UNC13C: variants seen among roughly 807,000 people sequenced by gnomAD.
The protein encoded by UNC13C is unc-13 homolog C.
A neutral mutation model predicts 245.4 loss-of-function variants in UNC13C; 174 were observed. The ratio of observed to expected loss-of-function variants is 0.71; its 90% CI spans 0.63 to 0.80. The LOEUF (loss-of-function observed/expected upper bound fraction) is 0.80. Ranked by LOEUF, UNC13C falls within the 30% of genes least tolerant of loss-of-function variation. The probability of loss-of-function intolerance (pLI) is 0.00; values close to 1 mark genes in which losing one functional copy is unlikely to be tolerated. For missense variants in UNC13C, 2,829 were observed against 2,602.9 expected (o/e 1.09, Z -1.89); for synonymous variants, 992 against 895.1 (o/e 1.11, Z -1.93).
chr15:54,542,672 T>A (rs1364060200), intron 26 of UNC13C, among the ~76,000 whole-genome samples: 1 of 152,168 alleles, frequency 6.6e-6, no homozygotes, highest in African/African-American at 2.4e-5. Flanking sequence ...GCTTTATGAA[T>A]CTGGGTGCTC....
the UNC13C span, among the ~76,000 whole-genome samples, chr15:53,902,701 A>G: frequency 6.6e-6 from 1 of 152,202 alleles, no homozygotes; most frequent in Non-Finnish European, 1.5e-5. Context: ...CAACAGAAGC[A>G]AAAAATTTGG....
At chr15:54,276,677 C>T (rs1045643997) in intron 10 of UNC13C, among the ~76,000 whole-genome samples, 8 of 151,978 alleles carry the variant, frequency 5.3e-5, no homozygotes, top group Non-Finnish European at 8.8e-5. Flanking sequence ...ATTTTTTATA[C>T]GTTACTCATT....
chr15:54,624,272 T>C (rs1566946089), intron 32 of UNC13C, among the ~76,000 whole-genome samples: 2 of 152,238 alleles, frequency 1.3e-5, no homozygotes, highest in East Asian at 3.9e-4. Flanking sequence ...CAGAACTATG[T>C]GGTAAGTGCT....
chr15:54,371,378 G>T (rs191283910), intron 17 of UNC13C, among the ~76,000 whole-genome samples: 1 of 152,118 alleles, frequency 6.6e-6, no homozygotes, highest in African/African-American at 2.4e-5. Flanking sequence ...AAGCTCTTAG[G>T]TCCAATTAAA....
intron 4 of UNC13C, among the ~76,000 whole-genome samples, chr15:54,187,496 G>T (rs1187851039): frequency 6.6e-6 from 1 of 152,070 alleles, no homozygotes; most frequent in Non-Finnish European, 1.5e-5. Context: ...CTAGGTTTCA[G>T]TTTCTAAAAT....
the UNC13C span, among the ~76,000 whole-genome samples, chr15:53,841,306 A>C: frequency 6.6e-6 from 1 of 152,116 alleles, no homozygotes; most frequent in Admixed American, 6.6e-5. Context: ...TTTCCCCCCT[A>C]CCTTTGCCAT....
rs186863401 is a variant in UNC13C at position 54,315,128 on chromosome 15, C to T, written c.4269-6811C>T. On this transcript the variant is annotated intron_variant, in intron 13 of 32. Coordinates refer to ENST00000260323, the MANE Select transcript of UNC13C (RefSeq NM_001080534.3). ...TCAAATTAATCTGATAATGCTAGCTCTTTCTGCAGAAATCTCAGGTAACTT... is the reference window on the plus strand; with the variant it reads ...TCAAATTAATCTGATAATGCTAGCTTTTTCTGCAGAAATCTCAGGTAACTT... 3.1e-4 allele frequency among the ~76,000 whole-genome samples: 47 copies of T among 151,850 alleles called. 1 individual carries two copies. The highest frequency in any genetic ancestry group is 1.1e-3 in the African/African-American group (46 of 41,490).
the UNC13C span, among the ~76,000 whole-genome samples, chr15:53,915,073 G>A: frequency 3.3e-4 from 50 of 152,276 alleles, no homozygotes; most frequent in Non-Finnish European, 6.6e-4. Flanking sequence ...AGTTGACTCA[G>A]CCCTTTCCTC....
At chr15:53,990,592 T>A (rs1894341842) in intron 1 of UNC13C, among the ~76,000 whole-genome samples, 1 of 152,052 alleles carries the variant, frequency 6.6e-6, no homozygotes, top group Non-Finnish European at 1.5e-5. Context: ...TCAAACCCCC[T>A]TCCAAAACCT....
intron 1 of UNC13C, among the ~76,000 whole-genome samples, chr15:54,000,697 G>C (rs1190648570): frequency 1.3e-5 from 2 of 152,102 alleles, no homozygotes; most frequent in African/African-American, 4.8e-5. Context: ...TGGACAGATA[G>C]AATGTAATAA....
At chr15:54,455,744 A>G (rs1003856220) in intron 19 of UNC13C, among the ~76,000 whole-genome samples, 5 of 151,840 alleles carry the variant, frequency 3.3e-5, no homozygotes, top group Admixed American at 2.0e-4. Flanking sequence ...GATTTATTTG[A>G]GTTCCTTATA....
intron 11 of UNC13C, among the ~76,000 whole-genome samples, chr15:54,297,275 A>T (rs781562696): frequency 1.3e-5 from 2 of 152,204 alleles, no homozygotes; most frequent in African/African-American, 4.8e-5. Flanking sequence ...TATTTGGAAT[A>T]TCTGTAAGAC....
In UNC13C at chr15:54,180,041, A is replaced by G. The variant is rs764496286; in HGVS notation, c.3071+36357A>G. 3.9e-5 allele frequency among the ~76,000 whole-genome samples: 6 copies of G among 152,076 alleles called. No individual in the cohort carries two copies. In the East Asian group the frequency reaches 1.2e-3, roughly 29 times the overall value. On this transcript the variant is annotated intron_variant, in intron 4 of 32. Transcript: ENST00000260323. ...TGACTTTATTTTACTTTCAGGGGGT[A>G]TACGTGCAGGTTCGTTACCTGGGTA...
chr15:54,051,433 G>GT (rs938918617), intron 2 of UNC13C, among the ~76,000 whole-genome samples: 15 of 151,528 alleles, frequency 9.9e-5, no homozygotes, highest in Admixed American at 2.6e-4. Context: ...TTGTATTTGG[G>GT]TTTTTTTTCC....
intron 17 of UNC13C, among the ~76,000 whole-genome samples, chr15:54,388,151 C>A (rs2039876824): frequency 6.6e-6 from 1 of 152,168 alleles, no homozygotes; most frequent in Non-Finnish European, 1.5e-5. Flanking sequence ...GCCTTTTTCA[C>A]TCCTTGTTTC....
chr15:53,976,443 T>G (rs568327749), upstream of UNC13C, among the ~76,000 whole-genome samples: 65 of 145,896 alleles, frequency 4.5e-4, no homozygotes, highest in African/African-American at 1.5e-3. Flanking sequence ...ATACATGGTG[T>G]TTTTTTTTCT....
At chr15:54,611,863 T>C (rs1002474168) in intron 30 of UNC13C, among the ~76,000 whole-genome samples, 1 of 152,152 alleles carries the variant, frequency 6.6e-6, no homozygotes, top group African/African-American at 2.4e-5. Context: ...AATTTAATCT[T>C]ATTTTAAATG....
At chr15:54,293,833 A>G (rs1313252022) in intron 10 of UNC13C, 62 bp from the exon 11 acceptor site, 4 of 1,342,202 alleles carry the variant, frequency 3.0e-6, no homozygotes, top group South Asian at 1.7e-5. Context: ...ATAAAGTACT[A>G]ACATCAAATG....
In UNC13C at chr15:54,458,178, A is replaced by T. The variant is rs139463613; in HGVS notation, c.4934-36430A>T. Among the ~76,000 whole-genome samples the T allele has an allele frequency of 6.2e-3, 936 of 151,950 alleles. 7 individuals are homozygous for T. Among genetic ancestry groups the T allele is most frequent in the Non-Finnish European group, 0.01 (707 of 67,862 alleles). ...ATTCGGGGCAGATTATTTAATTTTT[A>T]TGTATTTGTATAGTTTAATAGTTCC... is the stretch of plus-strand genomic sequence containing the variant. On this transcript the variant is annotated intron_variant, in intron 19 of 32. Coordinates refer to ENST00000260323, the MANE Select transcript of UNC13C (RefSeq NM_001080534.3).
Sources: gnomAD v4.1 joint callset for allele counts (sites outside exome capture counted in the v4.1 genomes callset) on GRCh38, gnomAD v4.1.1 for gene constraint, MANE v1.5 for transcripts, NCBI Gene and HGNC (gene_info 2026-07-23, HGNC 2026-07-21) for gene names.